UST: variants seen among roughly 807,000 people sequenced by gnomAD.
UST encodes the protein uronyl 2-sulfotransferase, also known as chondroitin sulfate 2-O-sulfotransferase.
Under a neutral mutation model 45.6 loss-of-function variants are expected in UST, and 21 were observed. The ratio of observed to expected loss-of-function variants is 0.46; its 90% CI spans 0.33 to 0.66. The LOEUF (loss-of-function observed/expected upper bound fraction) is 0.66, where lower values mean the gene tolerates loss of function less well. UST is among the 30% of genes least tolerant of loss of function. The probability of loss-of-function intolerance (pLI) is 0.02; values close to 1 mark genes in which losing one functional copy is unlikely to be tolerated. For missense variants in UST, 463 were observed against 512.4 expected (o/e 0.90, Z 0.93); for synonymous variants, 215 against 200.6 (o/e 1.07, Z -0.61).
At chr6:148,939,982 T>C (rs2114921153) in intron 2 of UST, among the ~76,000 whole-genome samples, 1 of 152,242 alleles carries the variant, frequency 6.6e-6, no homozygotes, top group East Asian at 1.9e-4. Context: ...AAATCCAGAA[T>C]ATATATATGG....
chr6:148,777,503 T>G (rs1370481904), intron 1 of UST, among the ~76,000 whole-genome samples: 1 of 152,228 alleles, frequency 6.6e-6, no homozygotes, highest in African/African-American at 2.4e-5. Flanking sequence ...GATGGTGGTC[T>G]CATAAGATTA....
intron 2 of UST, among the ~76,000 whole-genome samples, chr6:148,924,357 T>C (rs907593632): frequency 2.0e-5 from 3 of 152,180 alleles, no homozygotes; most frequent in Non-Finnish European, 4.4e-5. Context: ...CTTGTACTTA[T>C]CTCTGACATA....
rs1239487828 is a variant in UST at position 148,884,256 on chromosome 6, A to G, written c.248-2730A>G. Among the ~76,000 whole-genome samples, 4 of 152,152 alleles carry G rather than the reference A, an allele frequency of 2.6e-5. No individual in the cohort carries two copies. The East Asian group carries it at 7.7e-4, about 29-fold the overall frequency. ...GGTATAAAGAGTTAGTTAATGTGGT[A>G]TTTCGTTCATTAAGTGAATACTGAG... On this transcript the variant is annotated intron_variant, in intron 1 of 7. Coordinates refer to ENST00000367463, the MANE Select transcript of UST (RefSeq NM_005715.3).
At chr6:148,965,850 T>G (rs1366262999) in intron 5 of UST, among the ~76,000 whole-genome samples, 1 of 151,412 alleles carries the variant, frequency 6.6e-6, no homozygotes, top group Non-Finnish European at 1.5e-5. Flanking sequence ...CTTCCTTTGA[T>G]GATATATTTT....
At chr6:148,811,885 G>C (rs984602453) in intron 1 of UST, among the ~76,000 whole-genome samples, 3 of 152,184 alleles carry the variant, frequency 2.0e-5, no homozygotes, top group Non-Finnish European at 4.4e-5. Context: ...TCACCTCTTG[G>C]TGCAAGGAGT....
intron 1 of UST, among the ~76,000 whole-genome samples, chr6:148,828,294 TTTTTA>T (rs1393590089): frequency 6.6e-6 from 1 of 151,998 alleles, no homozygotes; most frequent in African/African-American, 2.4e-5. Flanking sequence ...CTTTCACTGG[TTTTTA>T]TTTTAATGCC....
chr6:148,775,056 G>T (rs773837114), intron 1 of UST, among the ~76,000 whole-genome samples: 10 of 152,082 alleles, frequency 6.6e-5, no homozygotes, highest in Non-Finnish European at 1.3e-4. Flanking sequence ...AGAAAAGCTT[G>T]TTAATTCCTC....
intron 1 of UST, among the ~76,000 whole-genome samples, chr6:148,839,270 A>T (rs1046082129): frequency 6.6e-6 from 1 of 152,196 alleles, no homozygotes; most frequent in African/African-American, 2.4e-5. Flanking sequence ...GTTCCAATCA[A>T]CCTGAGTCAG....
intron 7 of UST, among the ~76,000 whole-genome samples, chr6:149,033,961 G>A (rs1776192976): frequency 6.6e-6 from 1 of 152,114 alleles, no homozygotes; most frequent in Admixed American, 6.5e-5. Context: ...TGTTTCTTCG[G>A]ATAATCACCG....
chr6:148,912,442 G>A (rs549798428), intron 2 of UST, among the ~76,000 whole-genome samples: 3 of 152,354 alleles, frequency 2.0e-5, no homozygotes, highest in East Asian at 1.9e-4. Flanking sequence ...ACCATGCTTC[G>A]TTAAAGTCTG....
chr6:148,908,389 G>A (rs928860144), intron 2 of UST, among the ~76,000 whole-genome samples: 1 of 152,096 alleles, frequency 6.6e-6, no homozygotes, highest in East Asian at 1.9e-4. Context: ...GGTGATTACT[G>A]TGTACTCAAA....
At chr6:148,766,991 C>T (rs1266759445) in intron 1 of UST, among the ~76,000 whole-genome samples, 4 of 152,240 alleles carry the variant, frequency 2.6e-5, no homozygotes, top group African/African-American at 9.6e-5. Flanking sequence ...CTTTAATGTG[C>T]ATGCAAATCA....
chr6:148,995,208 A>G (rs995434259), intron 5 of UST, among the ~76,000 whole-genome samples: 1 of 152,214 alleles, frequency 6.6e-6, no homozygotes, highest in South Asian at 2.1e-4. Flanking sequence ...TATTTTTAGC[A>G]GAGTTGGGGT....
chr6:148,989,262 A>C (rs1324062112), intron 5 of UST, among the ~76,000 whole-genome samples: 1 of 144,724 alleles, frequency 6.9e-6, no homozygotes, highest in Non-Finnish European at 1.5e-5. Context: ...TTAAAAATTC[A>C]AAAGGAATGG....
chr6:149,000,791 T>C (rs1191215934), intron 5 of UST, among the ~76,000 whole-genome samples: 1 of 151,778 alleles, frequency 6.6e-6, no homozygotes, highest in Non-Finnish European at 1.5e-5. Context: ...TTAAGTAAAA[T>C]GAAAAATATG....
chr6:148,881,916 T>A, intron 1 of UST, among the ~76,000 whole-genome samples: 1 of 152,238 alleles, frequency 6.6e-6, no homozygotes, highest in Middle Eastern at 3.2e-3. Flanking sequence ...TGAAAAGCTC[T>A]ACCTACATAT....
At chr6:148,953,128 G>T (rs1386688854) in intron 3 of UST, among the ~76,000 whole-genome samples, 2 of 152,138 alleles carry the variant, frequency 1.3e-5, no homozygotes, top group African/African-American at 4.8e-5. Flanking sequence ...AGGAGCACAA[G>T]AATGAAGTAG....
At chr6:148,837,850 G>A (rs1440858080) in intron 1 of UST, among the ~76,000 whole-genome samples, 1 of 152,118 alleles carries the variant, frequency 6.6e-6, no homozygotes, top group Non-Finnish European at 1.5e-5. Context: ...CTATAGGCAT[G>A]TGCCACCATG....
rs1191337557 is a variant in UST at position 149,010,907 on chromosome 6, A to AC, written c.682-8232_682-8231insC. Among the ~76,000 whole-genome samples the AC allele has an allele frequency of 4.1e-4, 58 of 140,546 alleles. 2 individuals carry two copies. Among genetic ancestry groups the AC allele is most frequent in the Non-Finnish European group, 6.1e-4 (40 of 65,138 alleles). The allele number at this position is 140,546 out of a possible 152,430, so 92.2% of individuals were successfully genotyped here. On this transcript the variant is annotated intron_variant, in intron 5 of 7. Transcript: ENST00000367463. ...ACTCCGTCTCAACCAAAAAAAAAAA[A>AC]AAAAAAAAAAAACTGTGACTATTTA...
Sources: allele counts gnomAD v4.1 joint callset (sites outside exome capture counted in the v4.1 genomes callset), GRCh38; gene constraint gnomAD v4.1.1; transcripts MANE v1.5; gene names NCBI Gene and HGNC (gene_info 2026-07-23, HGNC 2026-07-21).